STN1: variants seen among roughly 807,000 people sequenced by gnomAD.
STN1 encodes the protein CST complex subunit STN1.
In STN1, 29 loss-of-function variants were observed where a neutral mutation model predicts 45.5. The observed-to-expected ratio is 0.64, with a 90% CI of 0.47 to 0.87. The LOEUF is 0.87. STN1 is among the 40% of genes least tolerant of loss of function. The pLI is 0.00. For synonymous variants in STN1, 148 were observed against 159.0 expected, an observed-to-expected ratio of 0.93 and a Z score of 0.52; for missense variants, 376 against 441.4, an observed-to-expected ratio of 0.85 and a Z score of 1.33.
rs150102773 is a variant in STN1, at chr10:103,905,082, T to C, written c.295+9A>G. 1.2e-5 allele frequency: 20 copies of C among 1,612,468 alleles called. No individual in the cohort carries two copies. The African/African-American group carries it at 1.6e-4, about 13-fold the overall frequency. On this transcript the variant is annotated intron_variant, in intron 4 of 9. Coordinates refer to ENST00000224950, the MANE Select transcript of STN1 (RefSeq NM_024928.5). ...GTGAAAAGTAAAGGAATGTGGCAAA[T>C]AAAATTACCTGATACAGACTCAGTA... is the stretch of plus-strand genomic sequence containing the variant.
At chr10:103,912,258 C>G (rs1284891166) in intron 2 of STN1, among the ~76,000 whole-genome samples, 1 of 152,128 alleles carries the variant, frequency 6.6e-6, no homozygotes, top group Non-Finnish European at 1.5e-5. Flanking sequence ...GGGTCTCTCC[C>G]TGTCGCCCAT....
intron 9 of STN1, among the ~76,000 whole-genome samples, chr10:103,886,376 G>T (rs940926506): frequency 2.0e-5 from 3 of 150,882 alleles, no homozygotes; most frequent in African/African-American, 7.3e-5. Flanking sequence ...GGGTATATCG[G>T]TGTTTATTGT....
At chr10:103,900,015 G>A (rs747876577) in intron 5 of STN1, 47 bp downstream of exon 5, 54 of 1,583,816 alleles carry the variant, frequency 3.4e-5, no homozygotes, top group Middle Eastern at 3.4e-4. Context: ...TTTACTGGAC[G>A]CACATCCAGA....
chr10:103,916,600 G>C (rs1039608042), intron 2 of STN1, among the ~76,000 whole-genome samples: 3 of 152,156 alleles, frequency 2.0e-5, no homozygotes, highest in Admixed American at 2.0e-4. Flanking sequence ...TTGTTATTCA[G>C]AAGGACCTTG....
At chr10:103,887,943 G>C (rs1843114936) in intron 9 of STN1, among the ~76,000 whole-genome samples, 1 of 152,168 alleles carries the variant, frequency 6.6e-6, no homozygotes. Flanking sequence ...ATCCCTTCTT[G>C]GCTGAGGAAT....
At chr10:103,883,593 C>T (rs1046545427) in intron 9 of STN1, among the ~76,000 whole-genome samples, 2 of 152,098 alleles carry the variant, frequency 1.3e-5, no homozygotes, top group African/African-American at 4.8e-5. Flanking sequence ...CCTACTCCTA[C>T]ATATTCACCT....
chr10:103,905,077 G>A lies in STN1; in HGVS notation c.295+14C>T. 1 of 1,609,296 alleles carries A rather than the reference G, an allele frequency of 6.2e-7. No homozygotes were observed. Among genetic ancestry groups the A allele is most frequent in the African/African-American group, 1.3e-5 (1 of 74,956 alleles). ...GTTAGGTGAAAAGTAAAGGAATGTG[G>A]CAAATAAAATTACCTGATACAGACT... is the stretch of plus-strand genomic sequence containing the variant. On this transcript the variant is annotated intron_variant, in intron 4 of 9. Coordinates refer to ENST00000224950, the MANE Select transcript of STN1 (RefSeq NM_024928.5).
chr10:103,900,700 T>C (rs968706384), intron 4 of STN1, among the ~76,000 whole-genome samples: 2 of 100,732 alleles, frequency 2.0e-5, no homozygotes, highest in African/African-American at 9.2e-5. Flanking sequence ...TCTCTGTCTC[T>C]CTCTCTCTCT....
intron 5 of STN1, 131 bp from the exon 6 acceptor site, chr10:103,899,131 C>T (rs1398752640): frequency 7.9e-6 from 7 of 883,348 alleles, no homozygotes; most frequent in Non-Finnish European, 1.0e-5. Flanking sequence ...CTTGTGAGTG[C>T]CCAGGGATCA....
In STN1 at chr10:103,891,607, A is replaced by G. The variant is rs1380320574; in HGVS notation, c.876+523T>C. 2.0e-5 allele frequency among the ~76,000 whole-genome samples: 3 copies of G among 152,346 alleles called. No homozygotes were observed. In the East Asian group the frequency reaches 5.8e-4, roughly 29 times the overall value. On this transcript the variant is annotated intron_variant, in intron 8 of 9. Transcript: ENST00000224950. Reference sequence around the variant, plus strand: ...AAGTGTCAATTTAGAAGATGATCACATTTTTTATAAAGCAAAAAGGTTCTT... The same window carrying G: ...AAGTGTCAATTTAGAAGATGATCACGTTTTTTATAAAGCAAAAAGGTTCTT...
chr10:103,915,445 G>A (rs1843324988), intron 2 of STN1, among the ~76,000 whole-genome samples: 1 of 152,154 alleles, frequency 6.6e-6, no homozygotes, highest in South Asian at 2.1e-4. Flanking sequence ...TGTGGTTCGA[G>A]AGGGCACCAT....
chr10:103,905,074 GT>G lies in STN1; in HGVS notation c.295+16del, dbSNP rs1249586990. On this transcript the variant is annotated intron_variant, in intron 4 of 9. Coordinates refer to ENST00000224950, the MANE Select transcript of STN1 (RefSeq NM_024928.5). ...TTAGTTAGGTGAAAAGTAAAGGAAT[GT>G]GGCAAATAAAATTACCTGATACAGA... 5 of 1,608,590 alleles carry G rather than the reference GT, an allele frequency of 3.1e-6. No homozygotes were observed. The highest frequency in any genetic ancestry group is 4.3e-6 in the Non-Finnish European group (5 of 1,174,974).
chr10:103,913,208 A>C (rs1459772812), intron 2 of STN1, among the ~76,000 whole-genome samples: 1 of 152,248 alleles, frequency 6.6e-6, no homozygotes, highest in Non-Finnish European at 1.5e-5. Context: ...GCACAAACCA[A>C]TGAAGTACTC....
In STN1 at chr10:103,916,203, T is replaced by C. The variant is rs544189624; in HGVS notation, c.133+1259A>G. 2.0e-4 allele frequency among the ~76,000 whole-genome samples: 31 copies of C among 152,360 alleles called. No individual in the cohort carries two copies. In the South Asian group the frequency reaches 5.0e-3, roughly 24 times the overall value. On this transcript the variant is annotated intron_variant, in intron 2 of 9. Coordinates refer to ENST00000224950, the MANE Select transcript of STN1 (RefSeq NM_024928.5). ...CAAAGATCACTGGTCCTGTTTTTGTTGGTTTGTTTTTAACACATCATAAAG... is the reference window on the plus strand; with the variant it reads ...CAAAGATCACTGGTCCTGTTTTTGTCGGTTTGTTTTTAACACATCATAAAG...
chr10:103,900,056 G>T lies in STN1; in HGVS notation c.457+6C>A. ...CACCAATTTGGTAGAAATATCTTGT[G>T]CTTACAGTAAGTGGTGGCATGAATC... On this transcript the variant is annotated splice_donor_region_variant and intron_variant, in intron 5 of 9. Transcript: ENST00000224950. 2 of 1,613,358 alleles carry T rather than the reference G, an allele frequency of 1.2e-6. No individual in the cohort carries two copies. Among genetic ancestry groups the T allele is most frequent in the Non-Finnish European group, 1.7e-6 (2 of 1,179,478 alleles).
At chr10:103,898,455 G>A (rs940594480) in intron 6 of STN1, 1 of 156,474 alleles carries the variant, frequency 6.4e-6, no homozygotes. Flanking sequence ...ATTATGACGT[G>A]CTATGGTATC....
intron 7 of STN1, among the ~76,000 whole-genome samples, chr10:103,896,111 G>A (rs1452162479): frequency 6.6e-6 from 1 of 152,174 alleles, no homozygotes; most frequent in African/African-American, 2.4e-5. Flanking sequence ...AGGGAGGATG[G>A]GAAAGAAACT....
At chr10:103,892,844 C>T (rs1843148738) in intron 7 of STN1, among the ~76,000 whole-genome samples, 1 of 152,160 alleles carries the variant, frequency 6.6e-6, no homozygotes, top group African/African-American at 2.4e-5. Context: ...CAGCTCTCCC[C>T]CTCACTTTCA....
At chr10:103,903,874 T>C (rs1287787221) in intron 4 of STN1, among the ~76,000 whole-genome samples, 1 of 152,210 alleles carries the variant, frequency 6.6e-6, no homozygotes, top group Non-Finnish European at 1.5e-5. Flanking sequence ...ACACGTTGTC[T>C]CCCTTAAATC....
Sources: gnomAD v4.1 joint callset for allele counts (sites outside exome capture counted in the v4.1 genomes callset) on GRCh38, gnomAD v4.1.1 for gene constraint, MANE v1.5 for transcripts, NCBI Gene and HGNC (gene_info 2026-07-23, HGNC 2026-07-21) for gene names.